ZNF208: variants seen among roughly 807,000 people sequenced by gnomAD.
The protein encoded by ZNF208 is zinc finger protein 95.
In ZNF208, 10 loss-of-function variants were observed where a neutral mutation model predicts 12.1. That is an observed-to-expected ratio of 0.83 (90% CI 0.51 to 1.40). The LOEUF (loss-of-function observed/expected upper bound fraction) is 1.40. ZNF208 is among the 40% of genes most tolerant of loss of function. ZNF208 has a pLI of 0.00. For missense variants in ZNF208, 1,652 were observed against 1,485.0 expected, an observed-to-expected ratio of 1.11 and a Z score of -1.85; for synonymous variants, 497 against 488.4, an observed-to-expected ratio of 1.02 and a Z score of -0.23.
chr19:21,948,829 A>T (rs1969851932), intron 4 of ZNF208, among the ~76,000 whole-genome samples: 1 of 152,330 alleles, frequency 6.6e-6, no homozygotes, highest in African/African-American at 2.4e-5. Flanking sequence ...ACCTAGAGCC[A>T]GTCAGAAAAG....
chr19:21,961,281 T>A (rs1161212308), downstream of ZNF208, among the ~76,000 whole-genome samples: 2 of 152,106 alleles, frequency 1.3e-5, no homozygotes, highest in Non-Finnish European at 2.9e-5. Context: ...CCAGCAAGTT[T>A]TTATTAAGGA....
At chr19:21,981,784 T>C (rs937425069) in intron 3 of ZNF208, among the ~76,000 whole-genome samples, 1 of 152,192 alleles carries the variant, frequency 6.6e-6, no homozygotes, top group East Asian at 1.9e-4. Context: ...TATTTGCAGA[T>C]GACATGATTG....
chr19:22,007,617 T>C (rs955780302), intron 1 of ZNF208, among the ~76,000 whole-genome samples: 1 of 151,952 alleles, frequency 6.6e-6, no homozygotes, highest in Non-Finnish European at 1.5e-5. Context: ...TAATTAGATA[T>C]TGTTTTTTGA....
At chr19:21,941,546 T>G (rs1969741409) in intron 4 of ZNF208, 1 of 396,042 alleles carries the variant, frequency 2.5e-6, no homozygotes, top group Non-Finnish European at 4.4e-6. Flanking sequence ...TTATTTGTTT[T>G]TTTTTAAACT....
chr19:22,002,378 T>G (rs893556321), intron 1 of ZNF208, among the ~76,000 whole-genome samples: 1 of 152,106 alleles, frequency 6.6e-6, no homozygotes, highest in Non-Finnish European at 1.5e-5. Context: ...ATAAAAGGCA[T>G]CCAAACATAA....
chr19:21,944,175 T>A (rs117004613), intron 4 of ZNF208, among the ~76,000 whole-genome samples: 1,904 of 152,330 alleles, frequency 0.012, 26 homozygotes, highest in Non-Finnish European at 0.016. Flanking sequence ...CAAACCAACC[T>A]TATTTGAATC....
chr19:21,956,610 G>T (rs117692222), intron 4 of ZNF208, among the ~76,000 whole-genome samples: 3,224 of 152,266 alleles, frequency 0.021, 36 homozygotes, highest in Non-Finnish European at 0.029. Flanking sequence ...AGTGAGTAAG[G>T]CTCCTTGGGC....
At chr19:21,990,968 T>G (rs1344578409) in intron 1 of ZNF208, among the ~76,000 whole-genome samples, 2 of 152,248 alleles carry the variant, frequency 1.3e-5, no homozygotes, top group Non-Finnish European at 2.9e-5. Flanking sequence ...ATCCTGAGAC[T>G]TTGTCGAAGT....
In ZNF208 at chr19:21,955,019, C is replaced by T. The variant is rs1969950098; in HGVS notation, c.305+19710G>A. Among the ~76,000 whole-genome samples, 6 of 152,192 alleles carry T rather than the reference C, an allele frequency of 3.9e-5. No individual in the cohort carries two copies. The South Asian group carries it at 1.2e-3, about 31-fold the overall frequency. On this transcript the variant is annotated intron_variant, in intron 4 of 4. Transcript: ENST00000599916. ...GCTTCCTTCAGGAGCTCTTGTAAGG[C>T]AGGCCTGGTGGTGACAAAATCTCTC...
At chr19:21,960,642 GT>G (rs2145527351) in intron 4 of ZNF208, among the ~76,000 whole-genome samples, 1 of 152,214 alleles carries the variant, frequency 6.6e-6, no homozygotes, top group South Asian at 2.1e-4. Context: ...TGATTGCAGG[GT>G]CACCCCACCT....
chr19:21,947,409 CT>C (rs1323380874), intron 4 of ZNF208, among the ~76,000 whole-genome samples: 27 of 152,168 alleles, frequency 1.8e-4, no homozygotes, highest in African/African-American at 6.3e-4. Context: ...CTCCTTCTAA[CT>C]TTTGCCTAAA....
At chr19:22,008,307 A>AAAAAAG (rs1202724636) in intron 1 of ZNF208, among the ~76,000 whole-genome samples, 1 of 151,600 alleles carries the variant, frequency 6.6e-6, no homozygotes, top group East Asian at 1.9e-4. Flanking sequence ...TATCTCAAAA[A>AAAAAAG]AAAAAAAAAG....
intron 1 of ZNF208, among the ~76,000 whole-genome samples, chr19:21,992,528 T>C (rs1459713073): frequency 6.6e-6 from 1 of 152,218 alleles, no homozygotes; most frequent in Non-Finnish European, 1.5e-5. Flanking sequence ...TGTTTTCTTA[T>C]CCTGTACTGC....
Position 21,973,703 on chromosome 19 carries a change from T to C in ZNF208, c.1331A>G (p.Lys444Arg). Residue 444 changes from lysine to arginine, a missense_variant, in exon 4 of 4, where the codon AAG becomes AGG. Transcript: ENST00000397126. ...GGGTGTCTCTCCAGTGTGAATTTTC[T>C]TATGTTCCATAAGGTTTGAGGACCA... is the stretch of plus-strand genomic sequence containing the variant. ...FNWSSNLMEHKKIHTGETPYK... is the reference protein window; with the variant it reads ...FNWSSNLMEHRKIHTGETPYK... 1 of 1,572,182 alleles carries C rather than the reference T, an allele frequency of 6.4e-7. No homozygotes were observed. The highest frequency in any genetic ancestry group is 1.1e-5 in the South Asian group (1 of 90,356).
In ZNF208 at chr19:21,972,367, G is replaced by A. The variant is rs1970311691; in HGVS notation, c.2667C>T (p.Tyr889=). Residue 889 remains tyrosine, a synonymous_variant, in exon 4 of 4, where the codon TAC becomes TAT. Transcript: ENST00000397126. ...AACCTTTGCCACATTCTTCACATTT[G>A]TAGGGTTTCTCTCCAGTATGAATTT... ...HKKIHTGEKP[Y]KCEECGKGFS... The A allele has an allele frequency of 1.9e-6, 3 of 1,612,682 alleles. No homozygotes were observed. Among genetic ancestry groups the A allele is most frequent in the Non-Finnish European group, 2.5e-6 (3 of 1,179,266 alleles).
intron 4 of ZNF208, among the ~76,000 whole-genome samples, chr19:21,947,889 G>C (rs1383978582): frequency 6.6e-6 from 1 of 152,102 alleles, no homozygotes; most frequent in Non-Finnish European, 1.5e-5. Context: ...AGAGTCTTTT[G>C]GGCTGAGTGG....
intron 4 of ZNF208, among the ~76,000 whole-genome samples, chr19:21,951,595 A>G (rs2145517124): frequency 6.6e-6 from 1 of 152,354 alleles, no homozygotes; most frequent in South Asian, 2.1e-4. Context: ...TAATGAAAGC[A>G]CAACAAAGCT....
intron 3 of ZNF208, among the ~76,000 whole-genome samples, chr19:21,978,192 G>A (rs1200785841): frequency 6.6e-6 from 1 of 152,216 alleles, no homozygotes; most frequent in Non-Finnish European, 1.5e-5. Context: ...GAAGAGAGCA[G>A]TGGAGGTACC....
chr19:21,973,870 C>T lies in ZNF208; in HGVS notation c.1164G>A (p.Lys388=). Residue 388 remains lysine (K), a synonymous_variant, in exon 4 of 4, where the codon AAG becomes AAA. Coordinates refer to ENST00000397126, the MANE Select transcript of ZNF208 (RefSeq NM_007153.3). ...AGGGTTTCTCTCCAGTATGAATTTT[C>T]TTATGATAACTAAGGGTTGAGGGCC... is the stretch of plus-strand genomic sequence containing the variant. The part of the protein sequence containing the change: ...YKWPSTLSYH[K]KIHTGEKPYK... 1 of 1,613,432 alleles carries T rather than the reference C, an allele frequency of 6.2e-7. No homozygotes were observed. Among genetic ancestry groups the T allele is most frequent in the Non-Finnish European group, 8.5e-7 (1 of 1,179,856 alleles).
Sources: allele counts gnomAD v4.1 joint callset (sites outside exome capture counted in the v4.1 genomes callset), GRCh38; gene constraint gnomAD v4.1.1; transcripts MANE v1.5; gene names NCBI Gene and HGNC (gene_info 2026-07-23, HGNC 2026-07-21).